The following OSBPL8 variants were observed in gnomAD, a reference collection of about 807,000 sequenced individuals.
OSBPL8 encodes oxysterol binding protein like 8.
In OSBPL8, 59 loss-of-function variants were observed where a neutral mutation model predicts 125.5. That is an observed-to-expected ratio of 0.47 (90% CI 0.38 to 0.58). The LOEUF is 0.58. Ranked by LOEUF, OSBPL8 falls within the 20% of genes least tolerant of loss-of-function variation. The pLI, the probability that OSBPL8 is intolerant of heterozygous loss-of-function variation, is 0.00. For missense variants in OSBPL8, 758 were observed against 1,047.8 expected (o/e 0.72, Z 3.82); for synonymous variants, 330 against 338.9 (o/e 0.97, Z 0.29).
At chr12:76,381,725 ACTTT>A (rs1227277921) in intron 15 of OSBPL8, among the ~76,000 whole-genome samples, 11 of 147,100 alleles carry the variant, frequency 7.5e-5, no homozygotes, top group African/African-American at 2.5e-4. Flanking sequence ...CTTTCCATTT[ACTTT>A]CTTTTTTTTT....
intron 1 of OSBPL8, among the ~76,000 whole-genome samples, chr12:76,527,907 T>TTGCAAGATATGCAGAAA: frequency 6.6e-6 from 1 of 152,238 alleles, no homozygotes; most frequent in East Asian, 1.9e-4. Context: ...AGTGCTTTAC[T>TTGCAAGATATGCAGAAA]TGCAAGATAT....
chr12:76,367,178 T>G (rs1012502055), intron 21 of OSBPL8, among the ~76,000 whole-genome samples: 1 of 152,104 alleles, frequency 6.6e-6, no homozygotes, highest in African/African-American at 2.4e-5. Flanking sequence ...GAGCTGTTTC[T>G]ATCTTCCAAT....
At chr12:76,381,774 G>T (rs1393674018) in intron 15 of OSBPL8, among the ~76,000 whole-genome samples, 1 of 141,744 alleles carries the variant, frequency 7.1e-6, no homozygotes, top group African/African-American at 2.6e-5. Flanking sequence ...TGCTCTTGTT[G>T]CCCAGGCTGG....
intron 5 of OSBPL8, among the ~76,000 whole-genome samples, chr12:76,404,314 G>A (rs947025077): frequency 5.9e-5 from 9 of 152,008 alleles, no homozygotes; most frequent in Non-Finnish European, 1.2e-4. Flanking sequence ...CAACTTAATA[G>A]GACAATGTTT....
rs77512784 is a variant in OSBPL8 at position 76,410,019 on chromosome 12, A to G, written c.288+545T>C. ...ATAGGGAAACTGGTTACTGCATCAC[A>G]TGGCGTTTCTCAAATCTGAATTTTC... On this transcript the variant is annotated intron_variant, in intron 5 of 23. Transcript: ENST00000261183. Among the ~76,000 whole-genome samples the G allele has an allele frequency of 6.2e-4, 94 of 151,886 alleles. No homozygotes were observed. The East Asian group carries it at 0.015, about 24-fold the overall frequency.
intron 2 of OSBPL8, among the ~76,000 whole-genome samples, chr12:76,484,372 A>G (rs1877897387): frequency 6.6e-6 from 1 of 152,186 alleles, no homozygotes; most frequent in Non-Finnish European, 1.5e-5. Context: ...TCTAGTGTGG[A>G]GCAATCACTG....
intron 2 of OSBPL8, among the ~76,000 whole-genome samples, chr12:76,461,977 G>A (rs1197532568): frequency 6.6e-6 from 1 of 152,148 alleles, no homozygotes; most frequent in Non-Finnish European, 1.5e-5. Context: ...AAACAACTGT[G>A]GCAAACTTTA....
intron 12 of OSBPL8, among the ~76,000 whole-genome samples, chr12:76,386,878 A>G (rs551301264): frequency 6.6e-6 from 1 of 152,144 alleles, no homozygotes; most frequent in South Asian, 2.1e-4. Flanking sequence ...ATTCTTTGAT[A>G]CACTGCCTGG....
chr12:76,551,819 T>C (rs73385579), intron 1 of OSBPL8, among the ~76,000 whole-genome samples: 26,791 of 152,190 alleles, frequency 0.18, 2,516 homozygotes, highest in Middle Eastern at 0.24. Flanking sequence ...ATCCAGTCCC[T>C]GGCTTATACT....
chr12:76,513,014 T>C (rs2137200326), intron 1 of OSBPL8, among the ~76,000 whole-genome samples: 1 of 152,358 alleles, frequency 6.6e-6, no homozygotes, highest in Admixed American at 6.5e-5. Context: ...CCACTGATAT[T>C]TGTATATTGG....
At chr12:76,541,910 G>A (rs1950655761) in intron 1 of OSBPL8, among the ~76,000 whole-genome samples, 2 of 151,342 alleles carry the variant, frequency 1.3e-5, no homozygotes, top group South Asian at 2.1e-4. Context: ...AGTGGCTCAC[G>A]CCTGCAATCC....
intron 1 of OSBPL8, among the ~76,000 whole-genome samples, chr12:76,557,420 G>A (rs910159053): frequency 5.3e-5 from 8 of 152,046 alleles, no homozygotes; most frequent in Non-Finnish European, 1.2e-4. Context: ...TTGGAGACCA[G>A]CCTGGCCAAC....
intron 1 of OSBPL8, among the ~76,000 whole-genome samples, chr12:76,521,349 GTGGGAATGTAAAA>G (rs1388128704): frequency 4.6e-5 from 7 of 152,186 alleles, no homozygotes; most frequent in African/African-American, 1.7e-4. Context: ...TGCCCTGCAG[GTGGGAATGTAAAA>G]TGGTACAGCC....
intron 5 of OSBPL8, among the ~76,000 whole-genome samples, chr12:76,405,014 A>G (rs1249136671): frequency 6.6e-6 from 1 of 152,196 alleles, no homozygotes; most frequent in Non-Finnish European, 1.5e-5. Flanking sequence ...ATATCTTTCC[A>G]AAGTCACAAA....
At chr12:76,513,426 T>C (rs1323058591) in intron 1 of OSBPL8, among the ~76,000 whole-genome samples, 3 of 152,262 alleles carry the variant, frequency 2.0e-5, no homozygotes, top group African/African-American at 7.2e-5. Context: ...GAAAGTTCCA[T>C]AGAGGCCTGT....
chr12:76,490,129 T>A (rs1173972538), intron 1 of OSBPL8, among the ~76,000 whole-genome samples: 1 of 152,168 alleles, frequency 6.6e-6, no homozygotes, highest in African/African-American at 2.4e-5. Flanking sequence ...ACTTACTTCT[T>A]ATGGATGAAC....
intron 4 of OSBPL8, among the ~76,000 whole-genome samples, chr12:76,432,997 T>C (rs1044210904): frequency 1.3e-5 from 2 of 152,098 alleles, no homozygotes; most frequent in African/African-American, 4.8e-5. Context: ...CTTTAGTAAA[T>C]GTGGAAAAAG....
chr12:76,516,021 T>A (rs780000795), intron 1 of OSBPL8, among the ~76,000 whole-genome samples: 31 of 152,092 alleles, frequency 2.0e-4, no homozygotes, highest in Admixed American at 4.6e-4. Context: ...TGAAATACTA[T>A]AAGAACTGAG....
intron 4 of OSBPL8, among the ~76,000 whole-genome samples, chr12:76,432,099 A>G (rs1416853540): frequency 2.6e-5 from 4 of 152,234 alleles, no homozygotes; most frequent in African/African-American, 4.8e-5. Context: ...TAAGTAATCG[A>G]TAACAGTAAG....
Sources: gnomAD v4.1 joint callset for allele counts (sites outside exome capture counted in the v4.1 genomes callset) on GRCh38, gnomAD v4.1.1 for gene constraint, MANE v1.5 for transcripts, NCBI Gene and HGNC (gene_info 2026-07-23, HGNC 2026-07-21) for gene names.